The following PPP1R1C variants were observed in gnomAD, a reference collection of about 807,000 sequenced individuals.
PPP1R1C encodes protein phosphatase 1 regulatory subunit 1C.
Under a neutral mutation model 17.4 loss-of-function variants are expected in PPP1R1C, and 15 were observed. The observed-to-expected ratio is 0.86, with a 90% confidence interval of 0.58 to 1.33. The LOEUF (loss-of-function observed/expected upper bound fraction) is 1.33. Among genes scored for constraint, PPP1R1C ranks in the 40% most tolerant of loss-of-function variants. PPP1R1C has a pLI of 0.00. For missense variants in PPP1R1C, 143 were observed against 130.0 expected, an observed-to-expected ratio of 1.10 and a Z score of -0.48; for synonymous variants, 35 against 43.1, an observed-to-expected ratio of 0.81 and a Z score of 0.73.
chr2:182,076,351 C>T (rs1441970421), intron 4 of PPP1R1C, among the ~76,000 whole-genome samples: 4 of 145,716 alleles, frequency 2.7e-5, no homozygotes, highest in African/African-American at 5.3e-5. Context: ...CCCGCTACCA[C>T]GCCCGACTAA....
intron 4 of PPP1R1C, among the ~76,000 whole-genome samples, chr2:182,112,746 C>T (rs375687620): frequency 1.3e-5 from 2 of 152,012 alleles, no homozygotes; most frequent in East Asian, 1.9e-4. Flanking sequence ...TATTGACCTC[C>T]TTCCCTGAAA....
Position 181,959,376 on chromosome 2 carries a change from G to A in PPP1R1C, n.111+4742G>A, listed in dbSNP as rs546045942. 2.1e-3 allele frequency among the ~76,000 whole-genome samples: 326 copies of A among 152,060 alleles called. 1 individual carries two copies. Among genetic ancestry groups the A allele is most frequent in the Non-Finnish European group, 4.2e-3 (283 of 67,978 alleles). On this transcript the variant is annotated intron_variant and non_coding_transcript_variant, in intron 1 of 5. Transcript: ENST00000464264. Reference sequence around the variant, plus strand: ...CTTGTTTTTTATTTTTAAGCATTTGGATCTGAATCAACAAGATGTCTCTCA... The same window carrying A: ...CTTGTTTTTTATTTTTAAGCATTTGAATCTGAATCAACAAGATGTCTCTCA...
At chr2:181,959,790 T>A (rs1444555206) in intron 1 of PPP1R1C, among the ~76,000 whole-genome samples, 1 of 152,226 alleles carries the variant, frequency 6.6e-6, no homozygotes. Flanking sequence ...TTGAGCAGTA[T>A]GCCTGTCCTC....
chr2:182,037,972 GT>G (rs1687063303), intron 2 of PPP1R1C, among the ~76,000 whole-genome samples: 1 of 152,040 alleles, frequency 6.6e-6, no homozygotes, highest in African/African-American at 2.4e-5. Context: ...TATATTTACT[GT>G]GGAGAATAAT....
chr2:181,974,842 T>C (rs906151089), intron 1 of PPP1R1C, among the ~76,000 whole-genome samples: 4 of 152,216 alleles, frequency 2.6e-5, no homozygotes, highest in African/African-American at 9.6e-5. Context: ...TAGCTATACC[T>C]GAACATCGTT....
chr2:182,036,500 TA>T (rs531815552), intron 2 of PPP1R1C, among the ~76,000 whole-genome samples: 1 of 152,352 alleles, frequency 6.6e-6, no homozygotes, highest in African/African-American at 2.4e-5. Flanking sequence ...ACAGGTATAC[TA>T]ATACTTAATT....
chr2:182,054,741 G>A (rs546128885), intron 2 of PPP1R1C, among the ~76,000 whole-genome samples: 1 of 151,992 alleles, frequency 6.6e-6, no homozygotes, highest in Non-Finnish European at 1.5e-5. Flanking sequence ...GCTCACTGCA[G>A]CCTCTGCCTC....
chr2:182,023,493 C>A (rs1285083755), intron 2 of PPP1R1C, among the ~76,000 whole-genome samples: 1 of 151,868 alleles, frequency 6.6e-6, no homozygotes, highest in East Asian at 1.9e-4. Flanking sequence ...GCCCCACCTC[C>A]AACAAAAGAA....
intron 4 of PPP1R1C, among the ~76,000 whole-genome samples, chr2:182,082,519 A>G (rs1415797765): frequency 2.6e-5 from 4 of 152,104 alleles, no homozygotes; most frequent in Non-Finnish European, 5.9e-5. Context: ...AGCCTTGGTC[A>G]TGGAGGAGGC....
At chr2:182,065,739 A>T (rs930450452) in intron 4 of PPP1R1C, among the ~76,000 whole-genome samples, 1 of 152,118 alleles carries the variant, frequency 6.6e-6, no homozygotes, top group Non-Finnish European at 1.5e-5. Context: ...CTCTAAAAAA[A>T]ATTCTAAAAA....
chr2:182,125,396 T>A lies in PPP1R1C; in HGVS notation c.*7-3578T>A, dbSNP rs571878677. Among the ~76,000 whole-genome samples, 9 of 152,224 alleles carry A rather than the reference T, an allele frequency of 5.9e-5. No individual in the cohort carries two copies. The East Asian group carries it at 1.7e-3, about 29-fold the overall frequency. ...GTGTCTCTGCCAGGTTTCAGTATCA[T>A]GATGATGCTAGCCTCATAAAATGAG... On this transcript the variant is annotated intron_variant, in intron 5 of 5. Coordinates refer to the PPP1R1C transcript ENST00000280295.
intron 2 of PPP1R1C, among the ~76,000 whole-genome samples, chr2:182,000,527 T>C (rs1369962139): frequency 1.3e-5 from 2 of 152,156 alleles, no homozygotes; most frequent in Non-Finnish European, 2.9e-5. Flanking sequence ...TCTCAACTAA[T>C]TGGAATTGGA....
At chr2:182,018,250 G>T (rs549728327) in intron 2 of PPP1R1C, among the ~76,000 whole-genome samples, 4 of 152,252 alleles carry the variant, frequency 2.6e-5, no homozygotes, top group African/African-American at 9.6e-5. Context: ...GGATAAACCA[G>T]ATCTCTGATT....
chr2:182,054,142 A>G (rs189836251), intron 2 of PPP1R1C, among the ~76,000 whole-genome samples: 146 of 152,174 alleles, frequency 9.6e-4, no homozygotes, highest in Non-Finnish European at 9.3e-4. Flanking sequence ...ATTATTTCCA[A>G]TCTTGAATTT....
intron 4 of PPP1R1C, among the ~76,000 whole-genome samples, chr2:182,076,197 C>T (rs28535227): frequency 0.048 from 1,232 of 25,726 alleles, 147 homozygotes; most frequent in African/African-American, 0.21. Context: ...TTTTTCTTTT[C>T]TTTTTTTTTT....
chr2:182,069,503 T>C (rs1189671457), intron 4 of PPP1R1C, among the ~76,000 whole-genome samples: 1 of 151,946 alleles, frequency 6.6e-6, no homozygotes, highest in Non-Finnish European at 1.5e-5. Context: ...AAGAGGAAAA[T>C]ACCAGCAAGT....
At chr2:182,033,257 C>T (rs1686899672) in intron 2 of PPP1R1C, among the ~76,000 whole-genome samples, 1 of 152,140 alleles carries the variant, frequency 6.6e-6, no homozygotes, top group Non-Finnish European at 1.5e-5. Context: ...GCTTGTAATA[C>T]CTATTCTCCT....
At chr2:182,036,460 CACAA>C (rs1687006239) in intron 2 of PPP1R1C, among the ~76,000 whole-genome samples, 1 of 152,094 alleles carries the variant, frequency 6.6e-6, no homozygotes, top group Non-Finnish European at 1.5e-5. Flanking sequence ...AACTAAAATG[CACAA>C]ACATTTTTAA....
At chr2:182,085,815 G>A (rs565468626) in intron 4 of PPP1R1C, among the ~76,000 whole-genome samples, 1 of 152,234 alleles carries the variant, frequency 6.6e-6, no homozygotes, top group South Asian at 2.1e-4. Context: ...GGTGAGCAGG[G>A]AACAGATAGG....
Sources: gnomAD v4.1 joint callset for allele counts (sites outside exome capture counted in the v4.1 genomes callset) on GRCh38, gnomAD v4.1.1 for gene constraint, MANE v1.5 for transcripts, NCBI Gene and HGNC (gene_info 2026-07-23, HGNC 2026-07-21) for gene names.